The following FRAS1 variants were observed in gnomAD, a reference collection of about 807,000 sequenced individuals.
FRAS1 encodes the protein extracellular matrix organizing protein FRAS1.
In FRAS1, 290 loss-of-function variants were observed where a neutral mutation model predicts 435.2. The ratio of observed to expected loss-of-function variants is 0.67; its 90% confidence interval spans 0.61 to 0.73. FRAS1 has a LOEUF of 0.73. FRAS1 is among the 30% of genes least tolerant of loss of function. The pLI is 0.00. For synonymous variants in FRAS1, 1,800 were observed against 1,851.0 expected (o/e 0.97, Z 0.71); for missense variants, 4,860 against 5,001.5 (o/e 0.97, Z 0.85).
At chr4:78,284,049 C>T (rs796548704) in intron 12 of FRAS1, among the ~76,000 whole-genome samples, 1 of 152,074 alleles carries the variant, frequency 6.6e-6, no homozygotes, top group African/African-American at 2.4e-5. Flanking sequence ...AGAAGAACAT[C>T]GGAGGTATCA....
intron 59 of FRAS1, 98 bp downstream of exon 59, chr4:78,489,178 T>C: frequency 8.8e-7 from 1 of 1,136,584 alleles, no homozygotes; most frequent in Non-Finnish European, 1.2e-6. Flanking sequence ...TTCTCAGAAT[T>C]TTGTATACTA....
rs569140845 is a variant in FRAS1 at position 78,318,378 on chromosome 4, A to G, written c.1961-432A>G. On this transcript the variant is annotated intron_variant, in intron 17 of 73. Coordinates refer to ENST00000512123, the MANE Select transcript of FRAS1 (RefSeq NM_025074.7). ...TGGACCCCTATGTAGTGGGTGTTGGATGACTCATGGGTAATAACACAACCA... is the reference window on the plus strand; with the variant it reads ...TGGACCCCTATGTAGTGGGTGTTGGGTGACTCATGGGTAATAACACAACCA... 8.5e-5 allele frequency among the ~76,000 whole-genome samples: 13 copies of G among 152,318 alleles called. No homozygotes were observed. In the South Asian group the frequency reaches 1.7e-3, roughly 19 times the overall value.
intron 9 of FRAS1, among the ~76,000 whole-genome samples, chr4:78,273,168 C>A (rs1726803566): frequency 6.6e-6 from 1 of 152,128 alleles, no homozygotes; most frequent in African/African-American, 2.4e-5. Context: ...GATTTTGTAT[C>A]CTGAGACTTT....
intron 18 of FRAS1, among the ~76,000 whole-genome samples, chr4:78,321,436 C>G (rs1729498916): frequency 6.6e-6 from 1 of 152,192 alleles, no homozygotes; most frequent in Admixed American, 6.5e-5. Context: ...CCATTCCATA[C>G]AGGAGAGAAG....
intron 2 of FRAS1, among the ~76,000 whole-genome samples, chr4:78,182,887 AG>A (rs201157238): frequency 0.061 from 4,709 of 76,848 alleles, 803 homozygotes; most frequent in East Asian, 0.53. Flanking sequence ...CTCAAAAAAA[AG>A]AAAAAAAGAA....
intron 4 of FRAS1, among the ~76,000 whole-genome samples, chr4:78,249,804 G>T (rs6825742): frequency 8.5e-5 from 13 of 152,120 alleles, no homozygotes; most frequent in African/African-American, 3.1e-4. Flanking sequence ...TGATTGGCAG[G>T]CTGTTGTTAT....
At chr4:78,187,268 G>T (rs1427927337) in intron 2 of FRAS1, among the ~76,000 whole-genome samples, 4 of 152,160 alleles carry the variant, frequency 2.6e-5, no homozygotes, top group Admixed American at 2.6e-4. Context: ...AAAGGGGAGA[G>T]GGCCCTTAGC....
In FRAS1 at chr4:78,160,504, G is replaced by A. The variant is rs546538837; in HGVS notation, c.109-77006G>A. Among the ~76,000 whole-genome samples, 616 of 152,220 alleles carry A rather than the reference G, an allele frequency of 4.0e-3. 2 individuals carry two copies. The highest frequency in any genetic ancestry group is 0.014 in the African/African-American group (580 of 41,548). On this transcript the variant is annotated intron_variant, in intron 2 of 73. Transcript: ENST00000512123. ...TTTAGTAGTTTTGCTCATTGGATGG[G>A]GCATATGCACCTTTGTTTGCTGGTG...
rs563486446 is a variant in FRAS1 at position 78,498,333 on chromosome 4, CCT to C, written c.9115+1373_9115+1374del. ...ACCAGCCTGACCAACATGGAGAAACCCTGTCTCTACTAAAAATACAAAATTAG... is the reference window on the plus strand; with the variant it reads ...ACCAGCCTGACCAACATGGAGAAACCGTCTCTACTAAAAATACAAAATTAG... On this transcript the variant is annotated intron_variant, in intron 60 of 73. Transcript: ENST00000512123. Among the ~76,000 whole-genome samples the C allele has an allele frequency of 4.1e-3, 621 of 152,120 alleles. 6 individuals are homozygous for C. Among genetic ancestry groups the C allele is most frequent in the African/African-American group, 0.014 (586 of 41,480 alleles).
At chr4:78,327,222 CAAG>C (rs1382509945) in intron 18 of FRAS1, among the ~76,000 whole-genome samples, 13 of 151,934 alleles carry the variant, frequency 8.6e-5, no homozygotes, top group Non-Finnish European at 1.3e-4. Flanking sequence ...ACCCTTTCAC[CAAG>C]AAGAAAACAA....
At chr4:78,131,402 C>T (rs1187384890) in intron 2 of FRAS1, among the ~76,000 whole-genome samples, 1 of 152,126 alleles carries the variant, frequency 6.6e-6, no homozygotes, top group East Asian at 1.9e-4. Context: ...CTTCTTTTGT[C>T]CTCCTCCTCT....
At chr4:78,539,592 C>T (rs1463698216) in intron 73 of FRAS1, among the ~76,000 whole-genome samples, 152 bp downstream of exon 73, 1 of 151,724 alleles carries the variant, frequency 6.6e-6, no homozygotes, top group Non-Finnish European at 1.5e-5. Context: ...AAGCTTATCA[C>T]CCACCCAAAA....
chr4:78,434,488 G>A lies in FRAS1; in HGVS notation c.5217+1884G>A, dbSNP rs558192789. Among the ~76,000 whole-genome samples the A allele has an allele frequency of 4.6e-5, 7 of 152,054 alleles. No homozygotes were observed. The East Asian group carries it at 9.7e-4, about 21-fold the overall frequency. On this transcript the variant is annotated intron_variant, in intron 38 of 73. Coordinates refer to ENST00000512123, the MANE Select transcript of FRAS1 (RefSeq NM_025074.7). ...GGAAGGATAAAATTAATCTTAAAACGGTAATAGCATTTCTATGAACCAGCC... is the reference window on the plus strand; with the variant it reads ...GGAAGGATAAAATTAATCTTAAAACAGTAATAGCATTTCTATGAACCAGCC...
rs576110011 is a variant in FRAS1, at chr4:78,215,161, G to A, written c.109-22349G>A. On this transcript the variant is annotated intron_variant, in intron 2 of 73. Transcript: ENST00000512123. ...AAAAATTTTAATTGTGGTAAAATAC[G>A]TATGACATAAAATTTACCATCTTTA... 5.4e-5 allele frequency among the ~76,000 whole-genome samples: 8 copies of A among 147,824 alleles called. No individual in the cohort carries two copies. The South Asian group carries it at 6.6e-4, about 12-fold the overall frequency.
intron 29 of FRAS1, among the ~76,000 whole-genome samples, chr4:78,394,253 G>A (rs1458062319): frequency 2.0e-5 from 3 of 151,524 alleles, no homozygotes; most frequent in Non-Finnish European, 4.4e-5. Flanking sequence ...TTTATTTCCC[G>A]TGATTTCAAT....
At chr4:78,456,524 G>A (rs371019862) in intron 47 of FRAS1, among the ~76,000 whole-genome samples, 1 of 152,128 alleles carries the variant, frequency 6.6e-6, no homozygotes. Context: ...GACTCTAACT[G>A]GGCATCTAAT....
intron 10 of FRAS1, among the ~76,000 whole-genome samples, chr4:78,279,156 C>T (rs1433963957): frequency 3.9e-5 from 6 of 152,190 alleles, no homozygotes; most frequent in African/African-American, 1.2e-4. Context: ...GGGAGGGAGC[C>T]GCATGAATGT....
chr4:78,282,465 A>G (rs1196778532), intron 11 of FRAS1, among the ~76,000 whole-genome samples: 2 of 152,230 alleles, frequency 1.3e-5, no homozygotes, highest in Non-Finnish European at 2.9e-5. Context: ...ATCACCAGCT[A>G]CACAGTAATC....
At chr4:78,458,886 T>C (rs1163223012) in intron 47 of FRAS1, among the ~76,000 whole-genome samples, 2 of 152,184 alleles carry the variant, frequency 1.3e-5, no homozygotes, top group Non-Finnish European at 2.9e-5. Context: ...GGCAGTGTAT[T>C]ACTGGCCTAT....
Sources: allele counts gnomAD v4.1 joint callset (sites outside exome capture counted in the v4.1 genomes callset), GRCh38; gene constraint gnomAD v4.1.1; transcripts MANE v1.5; gene names NCBI Gene and HGNC (gene_info 2026-07-23, HGNC 2026-07-21).